The following CDYL2 variants were observed in gnomAD, a reference collection of about 807,000 sequenced individuals.
CDYL2 encodes the protein chromodomain Y-like protein 2.
A neutral mutation model predicts 49.4 loss-of-function variants in CDYL2; 23 were observed. The ratio of observed to expected loss-of-function variants is 0.47; its 90% confidence interval spans 0.34 to 0.66. The LOEUF is 0.66. Among genes scored for constraint, CDYL2 ranks in the 30% least tolerant of loss-of-function variants. The pLI, the probability that CDYL2 is intolerant of heterozygous loss-of-function variation, is 0.01. For missense variants in CDYL2, 678 were observed against 656.4 expected, an observed-to-expected ratio of 1.03 and a Z score of -0.36; for synonymous variants, 360 against 268.8, an observed-to-expected ratio of 1.34 and a Z score of -3.32.
intron 1 of CDYL2, among the ~76,000 whole-genome samples, chr16:80,733,224 G>C (rs1182106260): frequency 6.6e-6 from 1 of 152,190 alleles, no homozygotes; most frequent in African/African-American, 2.4e-5. Flanking sequence ...GTCAAAAAAA[G>C]CTCTTAAATA....
chr16:80,636,561 G>A (rs1452780116), intron 2 of CDYL2, among the ~76,000 whole-genome samples: 1 of 152,242 alleles, frequency 6.6e-6, no homozygotes, highest in African/African-American at 2.4e-5. Context: ...AACAACAGGT[G>A]CTGGAGAGGA....
At chr16:80,671,956 T>C (rs1463229824) in intron 2 of CDYL2, among the ~76,000 whole-genome samples, 2 of 152,312 alleles carry the variant, frequency 1.3e-5, no homozygotes, top group Admixed American at 6.5e-5. Context: ...AAATCAAATA[T>C]TGCACAGGTT....
rs372951325 is a variant in CDYL2 at position 80,638,078 on chromosome 16, A to AT, written c.617-4843dup. On this transcript the variant is annotated intron_variant, in intron 2 of 6. Coordinates refer to ENST00000570137, the MANE Select transcript of CDYL2 (RefSeq NM_152342.4). ...CTGTGTTAATGAATTGAAAGACTCC[A>AT]TTTTTTTTTTTCTTGAGACAAGGTC... Among the ~76,000 whole-genome samples, 88 of 148,378 alleles carry AT rather than the reference A, an allele frequency of 5.9e-4. 1 individual carries two copies. Among genetic ancestry groups the AT allele is most frequent in the Middle Eastern group, 3.5e-3 (1 of 282 alleles).
At chr16:80,737,883 T>G (rs1438811783) in intron 1 of CDYL2, among the ~76,000 whole-genome samples, 1 of 152,260 alleles carries the variant, frequency 6.6e-6, no homozygotes, top group East Asian at 1.9e-4. Flanking sequence ...TGTTGTTGTT[T>G]TATACTTTAA....
chr16:80,687,603 G>A (rs1189663738), intron 1 of CDYL2, among the ~76,000 whole-genome samples: 2 of 152,134 alleles, frequency 1.3e-5, no homozygotes, highest in Non-Finnish European at 2.9e-5. Context: ...TGGGATGGAT[G>A]AAAAGGTGGG....
chr16:80,752,184 C>A (rs181754037), intron 1 of CDYL2, among the ~76,000 whole-genome samples: 39 of 151,898 alleles, frequency 2.6e-4, no homozygotes, highest in African/African-American at 9.2e-4. Context: ...GCATATAAAA[C>A]ACAAATAGAA....
chr16:80,649,445 T>C (rs1224356185), intron 2 of CDYL2, among the ~76,000 whole-genome samples: 1 of 152,156 alleles, frequency 6.6e-6, no homozygotes, highest in East Asian at 1.9e-4. Context: ...GAAAGATCTC[T>C]ACAATAAAAA....
intron 1 of CDYL2, among the ~76,000 whole-genome samples, chr16:80,777,979 T>C (rs1907145085): frequency 6.6e-6 from 1 of 151,986 alleles, no homozygotes; most frequent in African/African-American, 2.4e-5. Context: ...AAATGTATTA[T>C]CATCAAGTGT....
chr16:80,763,257 G>C (rs888938981), intron 1 of CDYL2, among the ~76,000 whole-genome samples: 3 of 2,818 alleles, frequency 1.1e-3, no homozygotes, highest in African/African-American at 3.5e-3. Context: ...CAAGTAACGA[G>C]AATCAACTGT....
chr16:80,670,840 G>A (rs539189280), intron 2 of CDYL2: 77 of 448,186 alleles, frequency 1.7e-4, no homozygotes, highest in African/African-American at 8.2e-4. Context: ...GGTTGCACAC[G>A]AGGAAGATAA....
chr16:80,727,480 C>A (rs899532957), intron 1 of CDYL2, among the ~76,000 whole-genome samples: 1 of 152,230 alleles, frequency 6.6e-6, no homozygotes, highest in South Asian at 2.1e-4. Flanking sequence ...GCTAGCACAG[C>A]AATCTGAGAT....
intron 1 of CDYL2, among the ~76,000 whole-genome samples, chr16:80,772,642 G>A (rs561168657): frequency 2.6e-5 from 4 of 152,072 alleles, no homozygotes; most frequent in East Asian, 1.9e-4. Context: ...TAGTAGAGAC[G>A]GGGTTTCACC....
chr16:80,619,219 G>C (rs892444475), intron 4 of CDYL2, among the ~76,000 whole-genome samples: 4 of 152,140 alleles, frequency 2.6e-5, no homozygotes, highest in Non-Finnish European at 5.9e-5. Context: ...CTCCAATCCA[G>C]GATGATCTCA....
chr16:80,608,980 A>C (rs1020620772), intron 5 of CDYL2, among the ~76,000 whole-genome samples: 3 of 152,140 alleles, frequency 2.0e-5, no homozygotes. Flanking sequence ...GTCGTGAATA[A>C]CACCACAATA....
At position 80,713,786 on chromosome 16, in the gene CDYL2, C is replaced by G. The variant is rs141828098; in HGVS notation, c.25-28657G>C. On this transcript the variant is annotated intron_variant, in intron 1 of 6. Coordinates refer to ENST00000570137, the MANE Select transcript of CDYL2 (RefSeq NM_152342.4). ...TATATCATAAAAGTGACATTCATTT[C>G]CACTCTGCTCTCCTGGGATGCCCAT... Among the ~76,000 whole-genome samples the G allele has an allele frequency of 3.1e-3, 468 of 152,204 alleles. 5 individuals are homozygous for G. The highest frequency in any genetic ancestry group is 0.011 in the African/African-American group (446 of 41,512).
At chr16:80,738,008 T>A (rs763365036) in intron 1 of CDYL2, among the ~76,000 whole-genome samples, 4 of 152,028 alleles carry the variant, frequency 2.6e-5, no homozygotes, top group Non-Finnish European at 4.4e-5. Context: ...CCTAAAGCTA[T>A]CCCTCCCCTA....
In CDYL2 at chr16:80,687,550, ATGGATGGC is replaced by A. The variant is rs572908054; in HGVS notation, c.25-2429_25-2422del. On this transcript the variant is annotated intron_variant, in intron 1 of 6. Transcript: ENST00000570137. ...GATGGATAAATAAATGAATAGATGG[ATGGATGGC>A]TGGCTGGCTGGCTGGATGGATGGAT... is the stretch of plus-strand genomic sequence containing the variant. Among the ~76,000 whole-genome samples, 735 of 152,124 alleles carry A rather than the reference ATGGATGGC, an allele frequency of 4.8e-3. 6 individuals are homozygous for A. The highest frequency in any genetic ancestry group is 0.016 in the African/African-American group (663 of 41,498).
At chr16:80,664,524 G>C (rs1360160186) in intron 2 of CDYL2, among the ~76,000 whole-genome samples, 1 of 152,180 alleles carries the variant, frequency 6.6e-6, no homozygotes, top group South Asian at 2.1e-4. Context: ...TGGAAGACAC[G>C]GCTGGTCATC....
intron 2 of CDYL2, among the ~76,000 whole-genome samples, chr16:80,682,703 G>A (rs1437134620): frequency 6.6e-6 from 1 of 152,138 alleles, no homozygotes; most frequent in Non-Finnish European, 1.5e-5. Context: ...TGCACCCAAA[G>A]GGCCACAAAA....
Sources: gnomAD v4.1 joint callset for allele counts (sites outside exome capture counted in the v4.1 genomes callset) on GRCh38, gnomAD v4.1.1 for gene constraint, MANE v1.5 for transcripts, NCBI Gene and HGNC (gene_info 2026-07-23, HGNC 2026-07-21) for gene names.